LHFPL3: variants seen among roughly 807,000 people sequenced by gnomAD.
The protein encoded by LHFPL3 is LHFPL tetraspan subfamily member 3 protein.
A neutral mutation model predicts 19.3 loss-of-function variants in LHFPL3; 5 were observed. That is an observed-to-expected ratio of 0.26 (90% confidence interval 0.14 to 0.54). LHFPL3 has a LOEUF of 0.54. LHFPL3 is among the 20% of genes least tolerant of loss of function. LHFPL3 has a pLI of 0.94. For synonymous variants in LHFPL3, 133 were observed against 126.2 expected (o/e 1.05, Z -0.36); for missense variants, 249 against 307.4 (o/e 0.81, Z 1.42).
chr7:104,611,994 C>T (rs546786112), intron 1 of LHFPL3, among the ~76,000 whole-genome samples: 16 of 152,272 alleles, frequency 1.1e-4, no homozygotes, highest in East Asian at 3.9e-4. Flanking sequence ...TGCTCAAAAA[C>T]GTCTTTTTTT....
intron 2 of LHFPL3, among the ~76,000 whole-genome samples, chr7:104,767,039 C>A (rs1194971453): frequency 6.6e-6 from 1 of 152,190 alleles, no homozygotes; most frequent in African/African-American, 2.4e-5. Context: ...CTGAAAGAAT[C>A]ACTGAATAGC....
At chr7:104,795,392 C>T (rs1397939103) in intron 2 of LHFPL3, among the ~76,000 whole-genome samples, 5 of 152,182 alleles carry the variant, frequency 3.3e-5, no homozygotes, top group Admixed American at 3.3e-4. Context: ...TTCTCTCTCC[C>T]CGTCCCTCGC....
intron 2 of LHFPL3, among the ~76,000 whole-genome samples, chr7:104,888,711 A>G (rs1364194961): frequency 6.6e-6 from 1 of 152,256 alleles, no homozygotes; most frequent in African/African-American, 2.4e-5. Context: ...TTATACCTCT[A>G]CAATGGAGTC....
chr7:104,719,446 G>C (rs1793447232), intron 1 of LHFPL3, among the ~76,000 whole-genome samples: 1 of 152,132 alleles, frequency 6.6e-6, no homozygotes, highest in Admixed American at 6.5e-5. Context: ...ATGTGTATAT[G>C]AAACCAACTA....
intron 1 of LHFPL3, among the ~76,000 whole-genome samples, chr7:104,408,238 T>C (rs1321772810): frequency 2.0e-5 from 3 of 152,226 alleles, no homozygotes; most frequent in Non-Finnish European, 4.4e-5. Context: ...TTCTAATCTA[T>C]AGAAGGGCTG....
At chr7:104,740,089 G>T (rs1160526490) in intron 2 of LHFPL3, among the ~76,000 whole-genome samples, 1 of 152,124 alleles carries the variant, frequency 6.6e-6, no homozygotes, top group Non-Finnish European at 1.5e-5. Context: ...TAAGTGTCTG[G>T]CATTTCCCCC....
intron 2 of LHFPL3, among the ~76,000 whole-genome samples, chr7:104,848,174 G>C (rs1175704511): frequency 6.6e-6 from 1 of 152,138 alleles, no homozygotes; most frequent in Admixed American, 6.5e-5. Context: ...GGCTGGAAGG[G>C]TTGTACAAGA....
intron 2 of LHFPL3, among the ~76,000 whole-genome samples, chr7:104,767,284 A>G (rs890904682): frequency 2.0e-5 from 3 of 152,228 alleles, no homozygotes; most frequent in Non-Finnish European, 4.4e-5. Flanking sequence ...TGGCCCTGCA[A>G]TCAGGGAATG....
intron 1 of LHFPL3, among the ~76,000 whole-genome samples, chr7:104,645,370 A>C (rs1033857879): frequency 2.0e-5 from 3 of 152,206 alleles, no homozygotes; most frequent in Non-Finnish European, 4.4e-5. Flanking sequence ...GGAAAGTGGG[A>C]GACAAAAGTG....
At chr7:104,818,957 T>G (rs1281606122) in intron 2 of LHFPL3, among the ~76,000 whole-genome samples, 1 of 152,196 alleles carries the variant, frequency 6.6e-6, no homozygotes, top group African/African-American at 2.4e-5. Flanking sequence ...CTCGTCTGTC[T>G]GTTACACAGA....
chr7:104,643,706 C>G (rs1040529026), intron 1 of LHFPL3, among the ~76,000 whole-genome samples: 1 of 152,112 alleles, frequency 6.6e-6, no homozygotes, highest in East Asian at 1.9e-4. Context: ...TAAAAGCTCC[C>G]CAGATGATTC....
intron 1 of LHFPL3, among the ~76,000 whole-genome samples, chr7:104,479,533 A>AGGT (rs1240989232): frequency 1.3e-5 from 2 of 152,094 alleles, no homozygotes; most frequent in Non-Finnish European, 2.9e-5. Context: ...CTGGGATTAC[A>AGGT]GGTGCCCACC....
chr7:104,703,393 C>A (rs1380458671), intron 1 of LHFPL3, among the ~76,000 whole-genome samples: 1 of 152,134 alleles, frequency 6.6e-6, no homozygotes, highest in East Asian at 1.9e-4. Flanking sequence ...TTTTTAGCAT[C>A]TTCTCCTCAC....
chr7:104,475,897 G>T (rs1409451044), intron 1 of LHFPL3, among the ~76,000 whole-genome samples: 3 of 152,116 alleles, frequency 2.0e-5, no homozygotes, highest in Admixed American at 6.5e-5. Context: ...ATCAAACGAT[G>T]ATTTTTTTAC....
chr7:104,819,395 A>C (rs1315935109), intron 2 of LHFPL3, among the ~76,000 whole-genome samples: 3 of 145,754 alleles, frequency 2.1e-5, no homozygotes, highest in African/African-American at 2.6e-5. Flanking sequence ...AAAAAAAAAA[A>C]CCTGCTGTCT....
Position 104,755,533 on chromosome 7 carries a change from G to A in LHFPL3, c.682+18622G>A, listed in dbSNP as rs557917876. Among the ~76,000 whole-genome samples, 18 of 151,988 alleles carry A rather than the reference G, an allele frequency of 1.2e-4. No homozygotes were observed. In the South Asian group the frequency reaches 3.8e-3, roughly 32 times the overall value. On this transcript the variant is annotated intron_variant, in intron 2 of 2. Transcript: ENST00000424859. ...GTTCTCTCTGTCTCTCTGTCTGTCT[G>A]TCTGTCTCTCTCTCTGTCTCTCTTT...
At chr7:104,603,676 C>T (rs1421913891) in intron 1 of LHFPL3, among the ~76,000 whole-genome samples, 3 of 152,132 alleles carry the variant, frequency 2.0e-5, no homozygotes, top group Non-Finnish European at 4.4e-5. Flanking sequence ...GGTAGGACAG[C>T]CATAGGATAG....
At chr7:104,397,028 G>C (rs1026601330) in intron 1 of LHFPL3, among the ~76,000 whole-genome samples, 2 of 152,042 alleles carry the variant, frequency 1.3e-5, no homozygotes, top group African/African-American at 4.8e-5. Flanking sequence ...TATTTTGCTT[G>C]GTTGGATTAA....
chr7:104,807,811 A>G (rs1790392754), intron 2 of LHFPL3, among the ~76,000 whole-genome samples: 1 of 152,138 alleles, frequency 6.6e-6, no homozygotes, highest in South Asian at 2.1e-4. Flanking sequence ...CCTCCATCCA[A>G]CCACTCACTG....
Sources: allele counts gnomAD v4.1 joint callset (sites outside exome capture counted in the v4.1 genomes callset), GRCh38; gene constraint gnomAD v4.1.1; transcripts MANE v1.5; gene names NCBI Gene and HGNC (gene_info 2026-07-23, HGNC 2026-07-21).